Variants in ACOXL observed in about 807,000 individuals in gnomAD.
The protein encoded by ACOXL is acyl-CoA oxidase like.
A neutral mutation model predicts 71.9 loss-of-function variants in ACOXL; 70 were observed. The observed-to-expected ratio is 0.97, with a 90% CI of 0.80 to 1.19. The LOEUF (loss-of-function observed/expected upper bound fraction) is 1.19, where lower values mean the gene tolerates loss of function less well. ACOXL is among the 50% of genes most tolerant of loss of function. ACOXL has a pLI of 0.00. For missense variants in ACOXL, 703 were observed against 736.3 expected (o/e 0.95, Z 0.52); for synonymous variants, 253 against 281.6 (o/e 0.90, Z 1.02).
chr2:110,949,392 T>TTTTG (rs386355137), intron 12 of ACOXL, among the ~76,000 whole-genome samples: 2 of 23,798 alleles, frequency 8.4e-5, no homozygotes, highest in Admixed American at 1.2e-3. Context: ...ACTCCCTTTC[T>TTTTG]ATTTTATTGG....
Position 110,816,693 on chromosome 2 carries a change from TC to T in ACOXL, c.753+11299del, listed in dbSNP as rs753184796. Among the ~76,000 whole-genome samples, 126 of 152,196 alleles carry T rather than the reference TC, an allele frequency of 8.3e-4. 1 individual carries two copies. The highest frequency in any genetic ancestry group is 2.1e-4 in the Non-Finnish European group (14 of 68,016). ...CACAGGTCCGGGGATGGTCTCCTGT[TC>T]TCTAAAGACAGCTGTGTAATAGGAT... On this transcript the variant is annotated intron_variant, in intron 9 of 17. Transcript: ENST00000439055.
chr2:110,768,500 G>T, intron 2 of ACOXL, 36 bp downstream of exon 2: 4 of 1,537,124 alleles, frequency 2.6e-6, no homozygotes, highest in Non-Finnish European at 3.6e-6. Context: ...GGTTGTGTGT[G>T]TGTGTGTGTG....
At chr2:111,020,433 G>A (rs1354459001) in intron 14 of ACOXL, among the ~76,000 whole-genome samples, 1 of 152,206 alleles carries the variant, frequency 6.6e-6, no homozygotes, top group Non-Finnish European at 1.5e-5. Context: ...TTCCTGATGA[G>A]GTGTCTTACA....
chr2:111,007,995 C>T (rs2149654176), intron 14 of ACOXL, among the ~76,000 whole-genome samples: 1 of 152,316 alleles, frequency 6.6e-6, no homozygotes, highest in Non-Finnish European at 1.5e-5. Context: ...CCCCTGTGTA[C>T]ACAACAAGTA....
chr2:111,013,601 TTTTTC>T (rs1422888200), intron 14 of ACOXL, among the ~76,000 whole-genome samples: 14 of 152,090 alleles, frequency 9.2e-5, no homozygotes, highest in African/African-American at 1.9e-4. Context: ...TAATTCGCTT[TTTTTC>T]TTTTCTTTTC....
rs142432587 is a variant in ACOXL, at chr2:111,044,976, C to G, written c.1370-4242C>G. ...TTGTTATCTAAAAGTCTCTGGTTCT[C>G]CCTTCTTTTGTCACACAAAGGTGGA... On this transcript the variant is annotated intron_variant, in intron 15 of 17. Coordinates refer to ENST00000439055, the MANE Select transcript of ACOXL (RefSeq NM_001142807.4). Among the ~76,000 whole-genome samples, 77 of 152,268 alleles carry G rather than the reference C, an allele frequency of 5.1e-4. 2 individuals carry two copies. The East Asian group carries it at 0.013, about 25-fold the overall frequency.
At chr2:110,980,390 G>C (rs1431425410) in intron 12 of ACOXL, among the ~76,000 whole-genome samples, 1 of 152,196 alleles carries the variant, frequency 6.6e-6, no homozygotes, top group South Asian at 2.1e-4. Context: ...AATGTGTGCA[G>C]GGGACTGATG....
At chr2:110,945,840 C>T (rs1341738075) in intron 12 of ACOXL, among the ~76,000 whole-genome samples, 2 of 151,792 alleles carry the variant, frequency 1.3e-5, no homozygotes, top group Admixed American at 6.6e-5. Context: ...TCTTTGGTTC[C>T]GTATGAATTT....
intron 16 of ACOXL, among the ~76,000 whole-genome samples, chr2:111,060,261 C>G (rs1044299449): frequency 6.6e-6 from 1 of 152,166 alleles, no homozygotes; most frequent in Admixed American, 6.5e-5. Context: ...TGCCCCCTCC[C>G]CACTGCGGTG....
intron 12 of ACOXL, among the ~76,000 whole-genome samples, chr2:110,977,810 C>T (rs975527996): frequency 2.6e-5 from 4 of 152,168 alleles, no homozygotes; most frequent in African/African-American, 9.7e-5. Flanking sequence ...GAGTTCTTGA[C>T]AAAATGTATT....
At chr2:111,108,061 A>G (rs1215974601) in intron 17 of ACOXL, among the ~76,000 whole-genome samples, 1 of 152,228 alleles carries the variant, frequency 6.6e-6, no homozygotes, top group Non-Finnish European at 1.5e-5. Flanking sequence ...CTAAGCCAGT[A>G]ATTTTCCTAG....
chr2:111,056,693 C>T (rs1169020645), intron 16 of ACOXL, among the ~76,000 whole-genome samples: 2 of 148,664 alleles, frequency 1.3e-5, no homozygotes, highest in Non-Finnish European at 3.0e-5. Context: ...GAGGCTGAGG[C>T]AGGAGAATCG....
intron 12 of ACOXL, among the ~76,000 whole-genome samples, chr2:110,942,064 T>C (rs1044132524): frequency 6.6e-6 from 1 of 152,152 alleles, no homozygotes; most frequent in African/African-American, 2.4e-5. Context: ...AAGTACACTA[T>C]TGTGAGGTCC....
At chr2:110,915,407 C>CAT (rs776643074) in intron 11 of ACOXL, among the ~76,000 whole-genome samples, 1,103 of 60,864 alleles carry the variant, frequency 0.018, 18 homozygotes, top group African/African-American at 0.05. Context: ...TGTGTATATA[C>CAT]ATATATATAT....
intron 12 of ACOXL, among the ~76,000 whole-genome samples, chr2:110,976,767 G>A (rs1446260035): frequency 3.9e-5 from 6 of 152,094 alleles, no homozygotes; most frequent in African/African-American, 1.4e-4. Flanking sequence ...GAAAGAAGCA[G>A]GAAGATTCTA....
chr2:110,993,284 C>A (rs1375620207), intron 13 of ACOXL, among the ~76,000 whole-genome samples: 1 of 152,168 alleles, frequency 6.6e-6, no homozygotes, highest in Non-Finnish European at 1.5e-5. Flanking sequence ...TTCTTTCATG[C>A]CCCTTCTTGG....
At chr2:110,855,758 G>T (rs1176724104) in intron 10 of ACOXL, among the ~76,000 whole-genome samples, 2 of 152,198 alleles carry the variant, frequency 1.3e-5, no homozygotes, top group Non-Finnish European at 2.9e-5. Context: ...TGGGTTTGTG[G>T]TCTCTCTGAC....
At chr2:110,977,635 G>T (rs1052414376) in intron 12 of ACOXL, among the ~76,000 whole-genome samples, 8 of 152,002 alleles carry the variant, frequency 5.3e-5, no homozygotes, top group African/African-American at 1.9e-4. Context: ...TAATTTTTTC[G>T]AAACCAGATG....
At chr2:110,841,830 G>A (rs1250924641) in intron 10 of ACOXL, among the ~76,000 whole-genome samples, 1 of 152,170 alleles carries the variant, frequency 6.6e-6, no homozygotes, top group African/African-American at 2.4e-5. Flanking sequence ...TAGGATGCCT[G>A]ACAGTGGCAA....
Sources: gnomAD v4.1 joint callset for allele counts (sites outside exome capture counted in the v4.1 genomes callset) on GRCh38, gnomAD v4.1.1 for gene constraint, MANE v1.5 for transcripts, NCBI Gene and HGNC (gene_info 2026-07-23, HGNC 2026-07-21) for gene names.